ETFA: variants seen among roughly 807,000 people sequenced by gnomAD.
ETFA encodes the protein electron transfer flavoprotein subunit alpha, mitochondrial.
Under a neutral mutation model 46.2 loss-of-function variants are expected in ETFA, and 22 were observed. The observed-to-expected ratio is 0.48, with a 90% CI of 0.34 to 0.68. ETFA has a LOEUF of 0.68. Among genes scored for constraint, ETFA ranks in the 30% least tolerant of loss-of-function variants. ETFA has a pLI of 0.01. For synonymous variants in ETFA, 131 were observed against 139.9 expected (o/e 0.94, Z 0.45); for missense variants, 345 against 401.1 (o/e 0.86, Z 1.19).
At chr15:76,292,164 G>A (rs1388545171) in intron 4 of ETFA, among the ~76,000 whole-genome samples, 1 of 152,096 alleles carries the variant, frequency 6.6e-6, no homozygotes, top group Non-Finnish European at 1.5e-5. Flanking sequence ...CATGCAAGCA[G>A]AATTCAGCAT....
intron 1 of ETFA, among the ~76,000 whole-genome samples, chr15:76,303,374 C>T (rs1237230430): frequency 6.6e-6 from 1 of 151,940 alleles, no homozygotes. Context: ...AAGAAGAAAA[C>T]ATAGGAAATG....
chr15:76,294,400 A>ATGT (rs1352250733), intron 2 of ETFA, among the ~76,000 whole-genome samples: 12 of 152,198 alleles, frequency 7.9e-5, no homozygotes. Context: ...GTAAGATCCT[A>ATGT]CAGTTGTTAG....
At chr15:76,237,142 T>A (rs2039133028) in intron 9 of ETFA, among the ~76,000 whole-genome samples, 1 of 152,182 alleles carries the variant, frequency 6.6e-6, no homozygotes, top group African/African-American at 2.4e-5. Context: ...AACCTCTGCC[T>A]CCTGGGTTCA....
chr15:76,252,590 T>C (rs1324871642), intron 9 of ETFA, among the ~76,000 whole-genome samples: 2 of 152,178 alleles, frequency 1.3e-5, no homozygotes, highest in East Asian at 1.9e-4. Flanking sequence ...CCAAGAACCA[T>C]CCCTTACCAC....
chr15:76,223,216 C>CTTTTTT (rs3065601), intron 11 of ETFA, among the ~76,000 whole-genome samples: 6 of 122,022 alleles, frequency 4.9e-5, no homozygotes, highest in South Asian at 2.7e-4. Context: ...TACTTCAGAA[C>CTTTTTT]TTTTTTTTTT....
chr15:76,285,671 T>C lies in ETFA; in HGVS notation c.630A>G (p.Pro210=). The change falls in exon 7 of 12, where the codon CCA becomes CCG. Residue 210 remains proline (P), a synonymous_variant. Transcript: ENST00000557943. ...LDQKLTKSDR[P]ELTGAKVVVS... Reference sequence around the variant, plus strand: ...CCACCACTTTGGCACCTGTTAGCTCTGGTCGATCACTTTTTGTTAATTTCT... The same window carrying C: ...CCACCACTTTGGCACCTGTTAGCTCCGGTCGATCACTTTTTGTTAATTTCT... The C allele has an allele frequency of 1.2e-6, 2 of 1,612,414 alleles. No homozygotes were observed. The highest frequency in any genetic ancestry group is 1.7e-6 in the Non-Finnish European group (2 of 1,178,456).
chr15:76,287,195 G>T (rs11631874), intron 5 of ETFA, among the ~76,000 whole-genome samples: 39,691 of 152,058 alleles, frequency 0.26, 5,846 homozygotes, highest in East Asian at 0.58. Flanking sequence ...ACAGGGTCTT[G>T]CTCTGTTGCC....
chr15:76,242,481 T>A (rs1002113003), intron 9 of ETFA, among the ~76,000 whole-genome samples: 3 of 152,154 alleles, frequency 2.0e-5, no homozygotes, highest in Non-Finnish European at 2.9e-5. Flanking sequence ...GGAAACCAAT[T>A]TGAAGGTTCC....
intron 1 of ETFA, among the ~76,000 whole-genome samples, chr15:76,309,605 T>A (rs1202613223): frequency 6.6e-6 from 1 of 152,206 alleles, no homozygotes; most frequent in African/African-American, 2.4e-5. Context: ...ATAGTAAAAA[T>A]TACTTAATCA....
At chr15:76,283,897 T>C (rs1308943328) in intron 7 of ETFA, 72 bp from the exon 8 acceptor site, 2 of 1,060,126 alleles carry the variant, frequency 1.9e-6, no homozygotes, top group African/African-American at 3.1e-5. Flanking sequence ...TGCTATTTTA[T>C]ATACTGGAGT....
At chr15:76,260,557 A>G (rs1261935664) in intron 9 of ETFA, 2 of 1,490,234 alleles carry the variant, frequency 1.3e-6, no homozygotes, top group Non-Finnish European at 1.9e-6. Context: ...TGGGGATCCC[A>G]GCCTGTCAAA....
intron 11 of ETFA, among the ~76,000 whole-genome samples, chr15:76,216,829 GTGCCTTT>G (rs1244394106): frequency 6.9e-6 from 1 of 145,456 alleles, no homozygotes; most frequent in Non-Finnish European, 1.5e-5. Context: ...CATTGCCTAG[GTGCCTTT>G]TGCCTTTTTT....
chr15:76,218,429 G>GTGGT (rs2038921205), intron 11 of ETFA, among the ~76,000 whole-genome samples: 1 of 151,958 alleles, frequency 6.6e-6, no homozygotes, highest in Non-Finnish European at 1.5e-5. Flanking sequence ...CACCACACCC[G>GTGGT]GCTAATTTTT....
At chr15:76,259,465 G>T in intron 9 of ETFA, 1 of 909,176 alleles carries the variant, frequency 1.1e-6, no homozygotes, top group Non-Finnish European at 1.9e-6. Flanking sequence ...AGCTGTTTCA[G>T]GTGATTCCCG....
intron 8 of ETFA, among the ~76,000 whole-genome samples, chr15:76,279,517 T>C (rs2039627510): frequency 6.6e-6 from 1 of 151,966 alleles, no homozygotes; most frequent in African/African-American, 2.4e-5. Flanking sequence ...GCTTAAGCAA[T>C]CCTCCCACTT....
chr15:76,218,291 G>C (rs1241324868), intron 11 of ETFA, among the ~76,000 whole-genome samples: 2 of 150,336 alleles, frequency 1.3e-5, no homozygotes, highest in African/African-American at 5.0e-5. Context: ...TTCCAAGACA[G>C]AGTTTTGCTC....
intron 1 of ETFA, among the ~76,000 whole-genome samples, chr15:76,296,428 T>G (rs2141545435): frequency 6.6e-6 from 1 of 152,250 alleles, no homozygotes; most frequent in Middle Eastern, 3.4e-3. Flanking sequence ...CTGGTCAAAT[T>G]CTACTACCAA....
At chr15:76,294,049 A>G (rs1279098993) in intron 2 of ETFA, among the ~76,000 whole-genome samples, 2 of 152,240 alleles carry the variant, frequency 1.3e-5, no homozygotes, top group Non-Finnish European at 2.9e-5. Context: ...TAGCTGAATA[A>G]AATGGTATAA....
intron 5 of ETFA, among the ~76,000 whole-genome samples, chr15:76,286,723 A>G (rs530158194): frequency 6.6e-6 from 1 of 152,270 alleles, no homozygotes; most frequent in South Asian, 2.1e-4. Flanking sequence ...GAAGGAAGAA[A>G]CTCGAACAGG....
Sources: allele counts gnomAD v4.1 joint callset (sites outside exome capture counted in the v4.1 genomes callset), GRCh38; gene constraint gnomAD v4.1.1; transcripts MANE v1.5; gene names NCBI Gene and HGNC (gene_info 2026-07-23, HGNC 2026-07-21).